The following PTK7 variants were observed in gnomAD, a reference collection of about 807,000 sequenced individuals.
PTK7 encodes the protein inactive tyrosine-protein kinase 7.
Under a neutral mutation model 116.6 loss-of-function variants are expected in PTK7, and 39 were observed. The observed-to-expected ratio is 0.33, with a 90% confidence interval of 0.26 to 0.44. The LOEUF is 0.44. Ranked by LOEUF, PTK7 falls within the 20% of genes least tolerant of loss-of-function variation. PTK7 has a pLI of 1.00. For missense variants in PTK7, 1,169 were observed against 1,425.6 expected (o/e 0.82, Z 2.90); for synonymous variants, 546 against 563.6 (o/e 0.97, Z 0.44).
chr6:43,082,946 G>A (rs1029605584), intron 1 of PTK7, among the ~76,000 whole-genome samples: 2 of 152,166 alleles, frequency 1.3e-5, no homozygotes, highest in Non-Finnish European at 2.9e-5. Context: ...GTCTCCGCTG[G>A]GCTTTGACAG....
intron 1 of PTK7, among the ~76,000 whole-genome samples, chr6:43,082,164 CA>C (rs766376248): frequency 2.2e-4 from 34 of 152,080 alleles, no homozygotes; most frequent in Non-Finnish European, 4.0e-4. Flanking sequence ...ATCAGAATCG[CA>C]ATCTGCAATT....
rs142571655 is a variant in PTK7 at position 43,145,388 on chromosome 6, C to G, written c.2596C>G (p.Arg866Gly). The G allele has an allele frequency of 2.5e-6, 4 of 1,603,454 alleles. No individual in the cohort carries two copies. The South Asian group carries it at 4.4e-5, about 18-fold the overall frequency. Residue 866 changes from arginine to glycine, a missense_variant, in exon 16 of 20, where the codon CGG becomes GGG. Transcript: ENST00000230419. The surrounding 1 kb of genome is among the most constrained non-coding windows in gnomAD (Gnocchi z 4.8). ...CGTGGTGCGGCTCCTGGGGCTGTGC[C>G]GGGAGGCTGAGCCCCACTACATGGT... ...ANVVRLLGLCREAEPHYMVLE... is the reference protein window; with the variant it reads ...ANVVRLLGLCGEAEPHYMVLE...
At chr6:43,106,404 C>G (rs757502484) in intron 1 of PTK7, among the ~76,000 whole-genome samples, 8 of 151,576 alleles carry the variant, frequency 5.3e-5, no homozygotes, top group Admixed American at 1.3e-4. Context: ...ACCTCCTGGA[C>G]TCAAGGGATC....
At chr6:43,142,422 C>T (rs758725591) in intron 13 of PTK7, 123 bp downstream of exon 13, 91 of 1,433,522 alleles carry the variant, frequency 6.3e-5, no homozygotes, top group Non-Finnish European at 7.7e-5. Context: ...GGTGGGGATT[C>T]GGCCGTCTCA....
intron 1 of PTK7, among the ~76,000 whole-genome samples, chr6:43,088,917 G>T (rs575065095): frequency 3.3e-4 from 50 of 152,172 alleles, no homozygotes; most frequent in Admixed American, 7.2e-4. Context: ...CCTGCTGGGA[G>T]ATGTATGCTG....
intron 17 of PTK7, among the ~76,000 whole-genome samples, chr6:43,150,833 G>A (rs1250606849): frequency 1.8e-5 from 2 of 112,356 alleles, no homozygotes; most frequent in Non-Finnish European, 3.3e-5. Flanking sequence ...ACAGAGTCTC[G>A]CTCTGTCTCT....
At chr6:43,118,649 CTCTCTCTCTCTATATATATATATATA>C (rs1217916888) in intron 1 of PTK7, among the ~76,000 whole-genome samples, 1 of 86,550 alleles carries the variant, frequency 1.2e-5, no homozygotes, top group Admixed American at 1.2e-4. Context: ...CTCTCTCTCT[CTCTCTCTCTCTATATATATATATATA>C]TATATATATA....
chr6:43,124,203 A>G (rs1769139833), intron 1 of PTK7, among the ~76,000 whole-genome samples: 1 of 152,176 alleles, frequency 6.6e-6, no homozygotes, highest in Non-Finnish European at 1.5e-5. Context: ...GCTGGTGACT[A>G]CATCACCTTG....
intron 7 of PTK7, among the ~76,000 whole-genome samples, chr6:43,135,344 A>G (rs186617888): frequency 1.3e-5 from 2 of 152,356 alleles, no homozygotes; most frequent in Admixed American, 1.3e-4. Flanking sequence ...AGCTCTTCCC[A>G]GTACTGGATG....
intron 17 of PTK7, among the ~76,000 whole-genome samples, chr6:43,150,323 G>A (rs958677465): frequency 2.6e-5 from 4 of 152,142 alleles, no homozygotes; most frequent in Non-Finnish European, 4.4e-5. Context: ...CCAAAGAACG[G>A]GTCTTTTATA....
At chr6:43,086,113 G>T (rs1008854919) in intron 1 of PTK7, among the ~76,000 whole-genome samples, 5 of 152,200 alleles carry the variant, frequency 3.3e-5, no homozygotes, top group African/African-American at 9.7e-5. Flanking sequence ...GTGGGTTGGT[G>T]CTGGTTCAGG....
chr6:43,143,528 T>C lies in PTK7; in HGVS notation c.2159T>C (p.Leu720Pro). ...GCTGTGGCCTACATCATTGCCGTGC[T>C]GGGCCTCATGTTCTACTGCAAGAAG... Reference protein sequence around the residue: ...GAAVAYIIAVLGLMFYCKKRC... With the variant: ...GAAVAYIIAVPGLMFYCKKRC... The change falls in exon 14 of 20, where the codon CTG (leucine) becomes CCG (proline). Residue 720 changes from leucine to proline, a missense_variant. Physicochemically the swap from Leu to Pro is moderately conservative, Grantham distance 98. Around this residue, in one of 3 missense-constraint regions of PTK7, gnomAD observed 678 missense variants for 853.8 expected, o/e 0.79. Transcript: ENST00000230419. This position sits in a 1 kb window ranked among gnomAD's most constrained non-coding sequence, Gnocchi z 4.2. 1 of 1,614,154 alleles carries C rather than the reference T, an allele frequency of 6.2e-7. No homozygotes were observed. The highest frequency in any genetic ancestry group is 8.5e-7 in the Non-Finnish European group (1 of 1,180,032).
chr6:43,121,170 G>A (rs1768939485), intron 1 of PTK7, among the ~76,000 whole-genome samples: 2 of 151,188 alleles, frequency 1.3e-5, no homozygotes, highest in South Asian at 4.2e-4. Context: ...GCCTGACTCA[G>A]CTGGCTGGCA....
chr6:43,080,853 A>G (rs1357414768), intron 1 of PTK7, among the ~76,000 whole-genome samples: 1 of 152,020 alleles, frequency 6.6e-6, no homozygotes, highest in Admixed American at 6.5e-5. Context: ...GAGGCAGGAG[A>G]ATCACTTGAA....
intron 1 of PTK7, among the ~76,000 whole-genome samples, chr6:43,127,578 C>T (rs1219842522): frequency 6.6e-6 from 1 of 152,218 alleles, no homozygotes; most frequent in East Asian, 1.9e-4. Flanking sequence ...AACCACATGG[C>T]TCTCCTCTTA....
chr6:43,120,069 C>G (rs1009689852), intron 1 of PTK7, among the ~76,000 whole-genome samples: 5 of 152,168 alleles, frequency 3.3e-5, no homozygotes, highest in Admixed American at 1.3e-4. Context: ...TAGGGAGGGA[C>G]TGTAGGCTGA....
intron 1 of PTK7, among the ~76,000 whole-genome samples, chr6:43,088,787 C>T (rs906040237): frequency 6.6e-6 from 1 of 152,068 alleles, no homozygotes; most frequent in South Asian, 2.1e-4. Flanking sequence ...GTGCCTAAAT[C>T]CCGATGGCTT....
chr6:43,136,817 A>T (rs560150113), intron 7 of PTK7, among the ~76,000 whole-genome samples: 1 of 152,152 alleles, frequency 6.6e-6, no homozygotes, highest in African/African-American at 2.4e-5. Context: ...CCTGGACCAC[A>T]TGGCCAGACC....
intron 17 of PTK7, among the ~76,000 whole-genome samples, chr6:43,156,638 T>A (rs1014064840): frequency 6.6e-6 from 1 of 151,724 alleles, no homozygotes; most frequent in African/African-American, 2.4e-5. Flanking sequence ...CAGTGGCTCA[T>A]GTCTGTAATC....
Sources: gnomAD v4.1 joint callset for allele counts (sites outside exome capture counted in the v4.1 genomes callset) on GRCh38, gnomAD v4.1.1 for gene constraint, gnomAD v4.1.1 regional missense constraint, Gnocchi (gnomAD v3.1) non-coding constraint, MANE v1.5 for transcripts, NCBI Gene and HGNC (gene_info 2026-07-23, HGNC 2026-07-21) for gene names.